The following MICAL3 variants were observed in gnomAD, a reference collection of about 807,000 sequenced individuals.
The protein encoded by MICAL3 is microtubule associated monooxygenase, calponin and LIM domain containing 3, also known as [F-actin]-monooxygenase MICAL3.
Under a neutral mutation model 207.4 loss-of-function variants are expected in MICAL3, and 62 were observed. That is an observed-to-expected ratio of 0.30 (90% CI 0.24 to 0.37). The LOEUF is 0.37. MICAL3 is among the 10% of genes least tolerant of loss of function. The probability of loss-of-function intolerance (pLI) is 1.00; values close to 1 mark genes in which losing one functional copy is unlikely to be tolerated. For synonymous variants in MICAL3, 1,077 were observed against 1,069.3 expected (o/e 1.01, Z -0.14); for missense variants, 2,368 against 2,635.6 (o/e 0.90, Z 2.22).
At chr22:17,976,585 A>ATTTTTTT (rs1372475997) in intron 1 of MICAL3, among the ~76,000 whole-genome samples, 1 of 83,572 alleles carries the variant, frequency 1.2e-5, no homozygotes, top group Non-Finnish European at 2.1e-5. Context: ...ATATATATAT[A>ATTTTTTT]TATATTTTTT....
rs796637491 is a variant in MICAL3, at chr22:17,860,420, C to T, written c.2605+4479G>A. The T allele has an allele frequency of 3.9e-5, 38 of 985,436 alleles. No homozygotes were observed. The African/African-American group carries it at 6.1e-4, about 16-fold the overall frequency. 61.0% of individuals were successfully genotyped at this position (985,436 alleles called of 1,614,324 possible). Reference sequence around the variant, plus strand: ...AGCTAATCCTCTCCTGTTGGGCTCTCGTACCGCCGCCGGGAAGCCGGCTGG... The same window carrying T: ...AGCTAATCCTCTCCTGTTGGGCTCTTGTACCGCCGCCGGGAAGCCGGCTGG... On this transcript the variant is annotated intron_variant, in intron 19 of 31. Coordinates refer to ENST00000441493, the MANE Select transcript of MICAL3 (RefSeq NM_015241.3).
intron 1 of MICAL3, among the ~76,000 whole-genome samples, chr22:17,921,800 A>T (rs1216950608): frequency 1.3e-5 from 2 of 151,904 alleles, no homozygotes; most frequent in African/African-American, 4.8e-5. Flanking sequence ...GCTGTCCCTT[A>T]ATCTAAACTC....
intron 1 of MICAL3, among the ~76,000 whole-genome samples, chr22:17,931,046 G>C (rs767481028): frequency 1.3e-5 from 2 of 152,182 alleles, no homozygotes; most frequent in African/African-American, 4.8e-5. Flanking sequence ...CTGTGAGCTC[G>C]GGCCTGTCCA....
Position 17,866,025 on chromosome 22 carries a change from A to AGAGGCAGGGACAGAGGCGAT in MICAL3, c.2429-33_2429-14dup. 6.3e-7 allele frequency: 1 copy of AGAGGCAGGGACAGAGGCGAT among 1,599,928 alleles called. No homozygotes were observed. The highest frequency in any genetic ancestry group is 8.6e-7 in the Non-Finnish European group (1 of 1,167,160). On this transcript the variant is annotated splice_polypyrimidine_tract_variant and intron_variant, in intron 17 of 31. Transcript: ENST00000441493. ...CAGTAGAATTTACCTGCAGACAGCA[A>AGAGGCAGGGACAGAGGCGAT]GAGGCAGGGACAGAGGCGATGAGCC... is the stretch of plus-strand genomic sequence containing the variant.
At chr22:17,932,866 G>T (rs1049726848) in intron 1 of MICAL3, among the ~76,000 whole-genome samples, 3 of 152,112 alleles carry the variant, frequency 2.0e-5, no homozygotes, top group African/African-American at 7.2e-5. Flanking sequence ...GATCAAAAGA[G>T]ACAAAGAAGG....
chr22:18,021,021 TA>T (rs1924440615), intron 1 of MICAL3, among the ~76,000 whole-genome samples: 1 of 152,100 alleles, frequency 6.6e-6, no homozygotes, highest in Non-Finnish European at 1.5e-5. Context: ...ATCCACAGTT[TA>T]AAAAAGTGTG....
intron 1 of MICAL3, chr22:18,001,294 A>G (rs58845524): frequency 0.6 from 90,475 of 152,014 alleles, 28,136 homozygotes; most frequent in African/African-American, 0.78. Flanking sequence ...CGCCCGCCGG[A>G]ACCAGCCCGG....
At chr22:17,923,427 T>C (rs1486991953) in intron 1 of MICAL3, among the ~76,000 whole-genome samples, 1 of 152,192 alleles carries the variant, frequency 6.6e-6, no homozygotes, top group Non-Finnish European at 1.5e-5. Flanking sequence ...ACAGAAGACT[T>C]ATTAATCTTT....
rs367561156 is a variant in MICAL3 at position 17,866,608 on chromosome 22, C to T, written c.2429-596G>A. Among the ~76,000 whole-genome samples, 28 of 123,198 alleles carry T rather than the reference C, an allele frequency of 2.3e-4. No individual in the cohort carries two copies. In the South Asian group the frequency reaches 2.4e-3, roughly 11 times the overall value. The allele number at this position is 123,198 out of a possible 152,430, so 80.8% of individuals were successfully genotyped here. A position where few individuals can be genotyped will look rare whatever the true frequency, so the allele number is the denominator to read the frequency against. ...TAGGATGGAAGGGAACAGCATAGAA[C>T]AGAACAGAATAGAATAGAATAGAAT... On this transcript the variant is annotated intron_variant, in intron 17 of 31. Coordinates refer to ENST00000441493, the MANE Select transcript of MICAL3 (RefSeq NM_015241.3).
intron 12 of MICAL3, among the ~76,000 whole-genome samples, chr22:17,889,708 G>A (rs1335101891): frequency 2.0e-5 from 3 of 152,186 alleles, no homozygotes; most frequent in Admixed American, 6.5e-5. Flanking sequence ...TTGGGAGGCT[G>A]AGGCAGGAGA....
At chr22:17,885,420 A>G (rs952327809) in intron 16 of MICAL3, among the ~76,000 whole-genome samples, 1 of 152,226 alleles carries the variant, frequency 6.6e-6, no homozygotes, top group African/African-American at 2.4e-5. Context: ...CGAAAAGTAT[A>G]TGTTAAGAAT....
At chr22:17,994,822 G>A (rs1419721022) in intron 1 of MICAL3, among the ~76,000 whole-genome samples, 3 of 152,110 alleles carry the variant, frequency 2.0e-5, no homozygotes, top group Admixed American at 2.0e-4. Flanking sequence ...GTCAATAAAA[G>A]CCACTAGTTA....
chr22:17,909,577 A>C (rs1931979894), intron 1 of MICAL3, among the ~76,000 whole-genome samples: 1 of 152,248 alleles, frequency 6.6e-6, no homozygotes, highest in African/African-American at 2.4e-5. Context: ...GCTTCTCTCA[A>C]TAGCCACATG....
intron 20 of MICAL3, chr22:17,834,694 G>T (rs1043776893): frequency 4.5e-5 from 34 of 755,834 alleles, no homozygotes; most frequent in Non-Finnish European, 5.0e-5. Flanking sequence ...TCGAAAGTGG[G>T]CAAACCTAAG....
chr22:17,880,082 G>A (rs1024160291), intron 16 of MICAL3, among the ~76,000 whole-genome samples: 1 of 152,150 alleles, frequency 6.6e-6, no homozygotes, highest in South Asian at 2.1e-4. Context: ...AGCCACGTGC[G>A]GGTGGAAAAA....
chr22:17,894,485 T>C (rs1323644465), intron 10 of MICAL3, among the ~76,000 whole-genome samples: 1 of 151,122 alleles, frequency 6.6e-6, no homozygotes, highest in African/African-American at 2.4e-5. Flanking sequence ...GGACTACTAA[T>C]AATGCTGCCT....
intron 29 of MICAL3, among the ~76,000 whole-genome samples, chr22:17,805,140 C>G (rs934618111): frequency 1.1e-4 from 17 of 152,324 alleles, no homozygotes; most frequent in African/African-American, 3.8e-4. Flanking sequence ...CAGGTTCCAG[C>G]CAGTTTACTA....
At position 17,817,746 on chromosome 22, in the gene MICAL3, G is replaced by T; in HGVS notation, c.4915C>A (p.Pro1639Thr). ...GGCCGGCGCTCCTTGCCCTGGGAGG[G>T]TGCTGAGGACGCCTTGCGGGGCCTG... The part of the protein sequence containing the change: ...APRPRKASSA[P>T]SQGKERRPDS... The change falls in exon 26 of 32, where the codon CCC becomes ACC. Residue 1639 changes from proline to threonine, a missense_variant. Around this residue, in one of 4 missense-constraint regions of MICAL3, gnomAD observed 1,770 missense variants for 1,863.2 expected, o/e 0.95. Transcript: ENST00000441493. 1 of 1,591,560 alleles carries T rather than the reference G, an allele frequency of 6.3e-7. No individual in the cohort carries two copies. Among genetic ancestry groups the T allele is most frequent in the South Asian group, 1.1e-5 (1 of 87,754 alleles).
At chr22:17,808,820 G>A in intron 29 of MICAL3, 24 bp downstream of exon 29, 1 of 1,542,848 alleles carries the variant, frequency 6.5e-7, no homozygotes, top group Non-Finnish European at 8.8e-7. Flanking sequence ...CAGGAGCAGA[G>A]CTTAGGAGGG....
Sources: allele counts gnomAD v4.1 joint callset (sites outside exome capture counted in the v4.1 genomes callset), GRCh38; gene constraint gnomAD v4.1.1; regional missense constraint gnomAD v4.1.1; transcripts MANE v1.5; gene names NCBI Gene and HGNC (gene_info 2026-07-23, HGNC 2026-07-21).